Variants in NOS1AP observed in about 807,000 individuals in gnomAD.
The protein encoded by NOS1AP is nitric oxide synthase 1 adaptor protein, also known as carboxyl-terminal PDZ ligand of neuronal nitric oxide synthase protein.
A neutral mutation model predicts 56.2 loss-of-function variants in NOS1AP; 21 were observed. The observed-to-expected ratio is 0.37, with a 90% confidence interval of 0.26 to 0.54. The LOEUF (loss-of-function observed/expected upper bound fraction) is 0.54. Among genes scored for constraint, NOS1AP ranks in the 20% least tolerant of loss-of-function variants. The pLI is 0.84. For synonymous variants in NOS1AP, 270 were observed against 274.6 expected (o/e 0.98, Z 0.17); for missense variants, 522 against 657.8 (o/e 0.79, Z 2.26).
At chr1:162,271,265 A>G (rs1368288981) in intron 2 of NOS1AP, among the ~76,000 whole-genome samples, 1 of 139,488 alleles carries the variant, frequency 7.2e-6, no homozygotes, top group East Asian at 2.3e-4. Flanking sequence ...AATACTACCC[A>G]GGAGTCCAGC....
chr1:162,194,883 G>A (rs1651756982), intron 2 of NOS1AP, among the ~76,000 whole-genome samples: 1 of 152,142 alleles, frequency 6.6e-6, no homozygotes, highest in Admixed American at 6.5e-5. Context: ...TGACCTTGCA[G>A]GAGCTAGAAT....
intron 3 of NOS1AP, among the ~76,000 whole-genome samples, chr1:162,289,469 C>CTT (rs60010458): frequency 5.9e-5 from 5 of 85,442 alleles, no homozygotes; most frequent in African/African-American, 2.0e-4. Context: ...AGCTACTTTT[C>CTT]TTTTTTTTTT....
intron 4 of NOS1AP, among the ~76,000 whole-genome samples, chr1:162,313,086 T>C (rs537082635): frequency 1.3e-5 from 2 of 152,284 alleles, no homozygotes; most frequent in East Asian, 3.9e-4. Context: ...AGGGATGCCC[T>C]CTCTCACCAC....
At chr1:162,343,570 A>C (rs1485996063) in intron 5 of NOS1AP, among the ~76,000 whole-genome samples, 1 of 152,224 alleles carries the variant, frequency 6.6e-6, no homozygotes, top group Non-Finnish European at 1.5e-5. Flanking sequence ...TCTGTTACAC[A>C]TGGGAGGGAA....
chr1:162,175,917 G>A (rs905675030), intron 2 of NOS1AP, among the ~76,000 whole-genome samples: 2 of 152,074 alleles, frequency 1.3e-5, no homozygotes, highest in Non-Finnish European at 2.9e-5. Flanking sequence ...TCCAGTGTAC[G>A]CGTACAGTAG....
intron 1 of NOS1AP, among the ~76,000 whole-genome samples, chr1:162,076,879 T>G (rs1691781277): frequency 6.6e-6 from 1 of 152,216 alleles, no homozygotes; most frequent in Non-Finnish European, 1.5e-5. Flanking sequence ...TTCTTTGCCT[T>G]AGTGTTGTGT....
At chr1:162,202,584 T>C (rs1015778768) in intron 2 of NOS1AP, among the ~76,000 whole-genome samples, 4 of 152,198 alleles carry the variant, frequency 2.6e-5, no homozygotes, top group African/African-American at 9.7e-5. Context: ...ATTAAGTTTA[T>C]GTCATAGTTT....
At chr1:162,263,058 C>T (rs1654291051) in intron 2 of NOS1AP, among the ~76,000 whole-genome samples, 1 of 152,172 alleles carries the variant, frequency 6.6e-6, no homozygotes, top group Non-Finnish European at 1.5e-5. Context: ...ACATTTGTCA[C>T]AACTGGTTAT....
At chr1:162,187,449 A>C (rs1651479951) in intron 2 of NOS1AP, among the ~76,000 whole-genome samples, 2 of 152,342 alleles carry the variant, frequency 1.3e-5, no homozygotes, top group South Asian at 4.1e-4. Flanking sequence ...AGTTTCTCAC[A>C]GCTGTCAACA....
chr1:162,103,804 AT>A (rs1571012920), intron 1 of NOS1AP, among the ~76,000 whole-genome samples: 1 of 151,564 alleles, frequency 6.6e-6, no homozygotes, highest in East Asian at 1.9e-4. Flanking sequence ...CCATCCCTTT[AT>A]TTTGAGCCTG....
At chr1:162,172,479 T>C (rs1439817429) in intron 2 of NOS1AP, among the ~76,000 whole-genome samples, 2 of 152,158 alleles carry the variant, frequency 1.3e-5, no homozygotes, top group African/African-American at 4.8e-5. Context: ...CATGATGGCT[T>C]TGCTATTGAA....
intron 2 of NOS1AP, among the ~76,000 whole-genome samples, chr1:162,255,490 A>ATGTTTTTTTTT (rs1653997361): frequency 1.6e-5 from 1 of 60,974 alleles, no homozygotes; most frequent in African/African-American, 5.0e-5. Flanking sequence ...GCTGCTGCTG[A>ATGTTTTTTTTT]TTTTTTTTTT....
At chr1:162,272,215 C>T (rs983606933) in intron 2 of NOS1AP, among the ~76,000 whole-genome samples, 7 of 152,158 alleles carry the variant, frequency 4.6e-5, no homozygotes, top group Admixed American at 6.5e-5. Flanking sequence ...GTCATCTAAA[C>T]CCAGTTTCCT....
At chr1:162,137,699 G>C (rs6684179) in intron 1 of NOS1AP, among the ~76,000 whole-genome samples, 104,992 of 151,662 alleles carry the variant, frequency 0.69, 36,788 homozygotes, top group Non-Finnish European at 0.72. Context: ...CTCATGCCTT[G>C]TCTCCTGTGT....
intron 4 of NOS1AP, among the ~76,000 whole-genome samples, chr1:162,308,665 C>G (rs1286629555): frequency 6.6e-6 from 1 of 152,186 alleles, no homozygotes; most frequent in Non-Finnish European, 1.5e-5. Flanking sequence ...AGGAATCTTA[C>G]CATCGTGCTG....
chr1:162,307,947 G>A (rs1203218985), intron 4 of NOS1AP, among the ~76,000 whole-genome samples: 1 of 152,194 alleles, frequency 6.6e-6, no homozygotes, highest in Non-Finnish European at 1.5e-5. Flanking sequence ...TGCATGGAGA[G>A]GTAATGTGTT....
intron 2 of NOS1AP, among the ~76,000 whole-genome samples, chr1:162,172,461 C>T (rs1023881716): frequency 6.6e-6 from 1 of 152,178 alleles, no homozygotes; most frequent in African/African-American, 2.4e-5. Context: ...GGGTGTGCCC[C>T]AAGTCCACAT....
chr1:162,154,483 G>A lies in NOS1AP; in HGVS notation c.177+7G>A. On this transcript the variant is annotated splice_region_variant and intron_variant, in intron 2 of 9. Coordinates refer to ENST00000361897, the MANE Select transcript of NOS1AP (RefSeq NM_014697.3). ...TGCCATGCGCCGGATACGGGTGAGTGGCCAGAGGTGGACTGTGTGGAGCGG... is the reference window on the plus strand; with the variant it reads ...TGCCATGCGCCGGATACGGGTGAGTAGCCAGAGGTGGACTGTGTGGAGCGG... 1 of 1,613,946 alleles carries A rather than the reference G, an allele frequency of 6.2e-7. No individual in the cohort carries two copies.
intron 5 of NOS1AP, among the ~76,000 whole-genome samples, chr1:162,340,931 T>C (rs777376678): frequency 1.3e-5 from 2 of 152,224 alleles, no homozygotes; most frequent in Non-Finnish European, 2.9e-5. Context: ...TGTTTGTCCT[T>C]GATAAAGGTG....
Sources: allele counts gnomAD v4.1 joint callset (sites outside exome capture counted in the v4.1 genomes callset), GRCh38; gene constraint gnomAD v4.1.1; transcripts MANE v1.5; gene names NCBI Gene and HGNC (gene_info 2026-07-23, HGNC 2026-07-21).